Variants in MIR2052HG observed in about 807,000 individuals in gnomAD.
The protein encoded by MIR2052HG is MIR2052 host gene.
chr8:74,716,559 A>C (rs564078156), intron 4 of MIR2052HG, among the ~76,000 whole-genome samples: 1 of 152,176 alleles, frequency 6.6e-6, no homozygotes, highest in Admixed American at 6.5e-5. Context: ...AAAATACAAA[A>C]ATTAGCTGGG....
At chr8:74,720,131 G>A (rs1161105450) in intron 4 of MIR2052HG, among the ~76,000 whole-genome samples, 4 of 152,112 alleles carry the variant, frequency 2.6e-5, no homozygotes, top group Admixed American at 1.3e-4. Context: ...TTACAGGCGT[G>A]AGCCACCACG....
chr8:74,686,951 A>T (rs1809187672), intron 2 of MIR2052HG, among the ~76,000 whole-genome samples: 1 of 152,196 alleles, frequency 6.6e-6, no homozygotes, highest in Non-Finnish European at 1.5e-5. Flanking sequence ...TCAGAGACAG[A>T]TACTATAGTT....
chr8:74,656,863 G>A (rs1233714302), intron 2 of MIR2052HG, among the ~76,000 whole-genome samples: 1 of 152,182 alleles, frequency 6.6e-6, no homozygotes, highest in Non-Finnish European at 1.5e-5. Context: ...ACAAAAGAAG[G>A]AATGTTTAGG....
intron 4 of MIR2052HG, among the ~76,000 whole-genome samples, chr8:74,723,478 A>C (rs1217796226): frequency 1.3e-5 from 2 of 151,682 alleles, no homozygotes; most frequent in Non-Finnish European, 2.9e-5. Context: ...GTGTTTCACT[A>C]TTTCTACTCC....
intron 4 of MIR2052HG, among the ~76,000 whole-genome samples, chr8:74,750,914 A>G (rs1262762382): frequency 6.6e-6 from 1 of 152,210 alleles, no homozygotes; most frequent in Non-Finnish European, 1.5e-5. Context: ...ATCTCTATAG[A>G]GGGGATGAAG....
intron 2 of MIR2052HG, among the ~76,000 whole-genome samples, chr8:74,627,871 T>C (rs1296901421): frequency 1.3e-5 from 2 of 152,222 alleles, no homozygotes; most frequent in Non-Finnish European, 2.9e-5. Context: ...TTAACAAGAT[T>C]ACAATTAGGG....
At chr8:74,602,876 T>TCTTTCTTTCTTTCC (rs1554570015) in intron 1 of MIR2052HG, among the ~76,000 whole-genome samples, 2 of 137,064 alleles carry the variant, frequency 1.5e-5, no homozygotes, top group East Asian at 2.2e-4. Flanking sequence ...TTTCTTTCTT[T>TCTTTCTTTCTTTCC]TTTCTATTCA....
At chr8:74,694,546 GATT>G (rs1809276375) in intron 2 of MIR2052HG, among the ~76,000 whole-genome samples, 1 of 152,072 alleles carries the variant, frequency 6.6e-6, no homozygotes, top group South Asian at 2.1e-4. Flanking sequence ...TCAGAAGGTT[GATT>G]ATTAAACTGC....
intron 4 of MIR2052HG, among the ~76,000 whole-genome samples, chr8:74,703,915 A>T (rs1020487297): frequency 6.6e-6 from 1 of 152,042 alleles, no homozygotes; most frequent in African/African-American, 2.4e-5. Context: ...ACCATATTAC[A>T]ATAAGTGGAG....
chr8:74,704,340 A>G (rs1809387285), intron 4 of MIR2052HG, among the ~76,000 whole-genome samples: 1 of 152,034 alleles, frequency 6.6e-6, no homozygotes, highest in Non-Finnish European at 1.5e-5. Flanking sequence ...GACACATGCA[A>G]TAGTTTTATG....
chr8:74,681,328 T>C (rs114686699), intron 2 of MIR2052HG, among the ~76,000 whole-genome samples: 1,875 of 152,190 alleles, frequency 0.012, 29 homozygotes, highest in African/African-American at 0.043. Context: ...GATGTATTTA[T>C]TGGAAAATAT....
At chr8:74,677,554 C>A (rs965803397) in intron 2 of MIR2052HG, among the ~76,000 whole-genome samples, 2 of 151,902 alleles carry the variant, frequency 1.3e-5, no homozygotes, top group Non-Finnish European at 1.5e-5. Flanking sequence ...ATTAACATAT[C>A]AAAAACTGAA....
rs374212219 is a variant in MIR2052HG, at chr8:74,645,982, T to C, written n.216+33042T>C. Among the ~76,000 whole-genome samples, 136 of 152,358 alleles carry C rather than the reference T, an allele frequency of 8.9e-4. 5 individuals carry two copies. In the South Asian group the frequency reaches 0.027, roughly 30 times the overall value. On this transcript the variant is annotated intron_variant and non_coding_transcript_variant, in intron 2 of 6. Coordinates refer to ENST00000523442, the Ensembl canonical transcript of MIR2052HG. ...GACCCCTATTAGGAAACTATGTATT[T>C]ATTTGTTTATAGTCAACAAATATTT...
chr8:74,624,411 A>G (rs1458280256), intron 2 of MIR2052HG, among the ~76,000 whole-genome samples: 3 of 152,246 alleles, frequency 2.0e-5, no homozygotes, highest in Admixed American at 1.3e-4. Flanking sequence ...AATACACTGG[A>G]GAATTTTTGT....
intron 2 of MIR2052HG, among the ~76,000 whole-genome samples, chr8:74,670,663 A>G (rs1438281440): frequency 6.6e-6 from 1 of 152,164 alleles, no homozygotes; most frequent in East Asian, 1.9e-4. Context: ...GACTTCTAGT[A>G]TTCATATAAG....
intron 2 of MIR2052HG, among the ~76,000 whole-genome samples, chr8:74,638,229 G>A (rs146532473): frequency 2.7e-4 from 41 of 152,194 alleles, no homozygotes; most frequent in African/African-American, 9.9e-4. Context: ...AGAAAGTGTG[G>A]AGCCTTCAAA....
At chr8:74,732,803 C>T (rs1223321896) in intron 4 of MIR2052HG, among the ~76,000 whole-genome samples, 2 of 152,090 alleles carry the variant, frequency 1.3e-5, no homozygotes, top group African/African-American at 4.8e-5. Flanking sequence ...AGGGAATAAA[C>T]AGCCCATTCA....
Position 74,704,751 on chromosome 8 carries a change from T to C in MIR2052HG, n.371+1069T>C, listed in dbSNP as rs571797882. Among the ~76,000 whole-genome samples the C allele has an allele frequency of 3.3e-5, 5 of 152,200 alleles. No individual in the cohort carries two copies. The South Asian group carries it at 1.0e-3, about 31-fold the overall frequency. ...TCATCTACTGAGATCTCCCAAATGG[T>C]TTATCTTTTTTGACTTGATAAACAT... is the stretch of plus-strand genomic sequence containing the variant. On this transcript the variant is annotated intron_variant and non_coding_transcript_variant, in intron 4 of 6. Coordinates refer to ENST00000523442, the Ensembl canonical transcript of MIR2052HG.
intron 2 of MIR2052HG, among the ~76,000 whole-genome samples, chr8:74,635,199 T>A (rs1236629270): frequency 6.6e-6 from 1 of 152,144 alleles, no homozygotes; most frequent in African/African-American, 2.4e-5. Flanking sequence ...GTACCTATTA[T>A]GTGCAAATCA....
Sources: allele counts gnomAD v4.1 joint callset (sites outside exome capture counted in the v4.1 genomes callset), GRCh38; gene constraint gnomAD v4.1.1; transcripts MANE v1.5; gene names NCBI Gene and HGNC (gene_info 2026-07-23, HGNC 2026-07-21).